The following UHRF2 variants were observed in gnomAD, a reference collection of about 807,000 sequenced individuals.
UHRF2 encodes the protein E3 ubiquitin-protein ligase UHRF2.
Under a neutral mutation model 96.8 loss-of-function variants are expected in UHRF2, and 23 were observed. The observed-to-expected ratio is 0.24, with a 90% CI of 0.17 to 0.34. UHRF2 has a LOEUF of 0.34. UHRF2 is among the 10% of genes least tolerant of loss of function. The pLI is 1.00. For missense variants in UHRF2, 685 were observed against 981.5 expected (o/e 0.70, Z 4.04); for synonymous variants, 385 against 332.6 (o/e 1.16, Z -1.72).
intron 4 of UHRF2, among the ~76,000 whole-genome samples, chr9:6,467,886 A>AT (rs1210040072): frequency 2.0e-5 from 3 of 151,878 alleles, no homozygotes; most frequent in Non-Finnish European, 4.4e-5. Flanking sequence ...TGAAACAAGA[A>AT]TTTTTTCTAT....
At chr9:6,471,862 A>G (rs1386357240) in intron 4 of UHRF2, among the ~76,000 whole-genome samples, 1 of 152,198 alleles carries the variant, frequency 6.6e-6, no homozygotes, top group Non-Finnish European at 1.5e-5. Flanking sequence ...TAGGTTCCAA[A>G]CTAAGTAGGA....
intron 3 of UHRF2, among the ~76,000 whole-genome samples, chr9:6,451,029 C>T (rs1821827254): frequency 1.3e-5 from 2 of 152,176 alleles, no homozygotes; most frequent in South Asian, 4.1e-4. Flanking sequence ...GAAAGGGTTA[C>T]AACTTAACCT....
chr9:6,469,642 T>TA (rs1159283842), intron 4 of UHRF2, among the ~76,000 whole-genome samples: 1 of 137,750 alleles, frequency 7.3e-6, no homozygotes, highest in African/African-American at 3.0e-5. Context: ...GTTAGACACA[T>TA]AGGACTTGAT....
chr9:6,493,951 T>G lies in UHRF2; in HGVS notation c.1604+19T>G. 1 of 1,603,066 alleles carries G rather than the reference T, an allele frequency of 6.2e-7. No individual in the cohort carries two copies. Among genetic ancestry groups the G allele is most frequent in the Non-Finnish European group, 8.5e-7 (1 of 1,172,118 alleles). On this transcript the variant is annotated intron_variant, in intron 10 of 15. Transcript: ENST00000276893. ...TGAACAGGTACTACTATAGACACTG[T>G]TTAGAATTTGAACATTGAATAAAAG...
At chr9:6,484,789 T>TC (rs2130920440) in intron 8 of UHRF2, 1 of 95,392 alleles carries the variant, frequency 1.0e-5, no homozygotes, top group South Asian at 3.4e-4. Context: ...TTCTTTCTTT[T>TC]TTTTTTTTTT....
chr9:6,438,299 A>C (rs1305605779), intron 3 of UHRF2, among the ~76,000 whole-genome samples: 1 of 152,200 alleles, frequency 6.6e-6, no homozygotes, highest in Non-Finnish European at 1.5e-5. Flanking sequence ...ATAGATGGGA[A>C]GACTTATTGG....
intron 6 of UHRF2, 24 bp downstream of exon 6, chr9:6,477,832 T>C (rs756495099): frequency 6.3e-5 from 98 of 1,550,496 alleles, no homozygotes; most frequent in East Asian, 2.0e-4. Flanking sequence ...GTTTTTGTTG[T>C]TGTTGTTCTT....
intron 4 of UHRF2, among the ~76,000 whole-genome samples, chr9:6,467,984 C>G (rs1352233644): frequency 6.6e-6 from 1 of 152,144 alleles, no homozygotes. Context: ...GACACCTCAT[C>G]ACAGTCTTTT....
chr9:6,486,040 C>T (rs1455251472), intron 8 of UHRF2, among the ~76,000 whole-genome samples: 1 of 151,990 alleles, frequency 6.6e-6, no homozygotes, highest in African/African-American at 2.4e-5. Context: ...GAAGGAGAAG[C>T]TGCACATAAG....
chr9:6,461,518 G>A (rs1312130549), intron 4 of UHRF2, among the ~76,000 whole-genome samples: 5 of 151,236 alleles, frequency 3.3e-5, no homozygotes, highest in African/African-American at 4.9e-5. Flanking sequence ...GACTACAGGC[G>A]TATGACACCA....
At chr9:6,459,124 G>C (rs775767554) in intron 3 of UHRF2, among the ~76,000 whole-genome samples, 1 of 152,070 alleles carries the variant, frequency 6.6e-6, no homozygotes, top group Non-Finnish European at 1.5e-5. Flanking sequence ...GTAGATGACA[G>C]GTTGATGGGT....
chr9:6,470,515 T>C (rs1823178432), intron 4 of UHRF2, among the ~76,000 whole-genome samples: 1 of 152,084 alleles, frequency 6.6e-6, no homozygotes, highest in Non-Finnish European at 1.5e-5. Context: ...GTTATTTAAG[T>C]GGGAGGAATG....
intron 6 of UHRF2, among the ~76,000 whole-genome samples, chr9:6,481,377 G>T (rs1239013515): frequency 6.6e-6 from 1 of 152,094 alleles, no homozygotes; most frequent in African/African-American, 2.4e-5. Flanking sequence ...AGAGTTCATG[G>T]TATCATTTTG....
intron 6 of UHRF2, among the ~76,000 whole-genome samples, chr9:6,479,837 A>C (rs1299828694): frequency 1.3e-5 from 2 of 152,132 alleles, no homozygotes; most frequent in African/African-American, 2.4e-5. Flanking sequence ...GACAGTTCTT[A>C]ATATTTCTCC....
chr9:6,442,573 G>A (rs923085860), intron 3 of UHRF2, among the ~76,000 whole-genome samples: 3 of 151,988 alleles, frequency 2.0e-5, no homozygotes, highest in African/African-American at 7.3e-5. Context: ...CGACTTTCTG[G>A]GCTGAAGTGA....
At chr9:6,463,615 C>T (rs781639001) in intron 4 of UHRF2, among the ~76,000 whole-genome samples, 9 of 151,972 alleles carry the variant, frequency 5.9e-5, no homozygotes, top group South Asian at 4.2e-4. Flanking sequence ...GAACTACAGG[C>T]GCATGCCACC....
At chr9:6,418,081 G>A (rs1201499028) in intron 1 of UHRF2, among the ~76,000 whole-genome samples, 1 of 151,924 alleles carries the variant, frequency 6.6e-6, no homozygotes. Flanking sequence ...TAGTCATAAT[G>A]TTTGTCAGTT....
At chr9:6,487,805 A>T (rs1030609456) in intron 9 of UHRF2, among the ~76,000 whole-genome samples, 2 of 152,226 alleles carry the variant, frequency 1.3e-5, no homozygotes, top group Admixed American at 1.3e-4. Context: ...CCCATCCTCT[A>T]TAGAGCTTTT....
chr9:6,426,876 G>C (rs1003869069), intron 2 of UHRF2, among the ~76,000 whole-genome samples: 34 of 152,124 alleles, frequency 2.2e-4, no homozygotes, highest in African/African-American at 7.7e-4. Context: ...AGTCTCTTGA[G>C]TAGTTGGGAT....
Sources: allele counts gnomAD v4.1 joint callset (sites outside exome capture counted in the v4.1 genomes callset), GRCh38; gene constraint gnomAD v4.1.1; transcripts MANE v1.5; gene names NCBI Gene and HGNC (gene_info 2026-07-23, HGNC 2026-07-21).